COG3: variants seen among roughly 807,000 people sequenced by gnomAD.
COG3 encodes conserved oligomeric Golgi complex subunit 3.
A neutral mutation model predicts 114.1 loss-of-function variants in COG3; 32 were observed. The observed-to-expected ratio is 0.28, with a 90% confidence interval of 0.21 to 0.38. The LOEUF (loss-of-function observed/expected upper bound fraction) is 0.38. COG3 is among the 10% of genes least tolerant of loss of function. The pLI is 1.00. For synonymous variants in COG3, 352 were observed against 365.7 expected, an observed-to-expected ratio of 0.96 and a Z score of 0.43; for missense variants, 813 against 973.2, an observed-to-expected ratio of 0.84 and a Z score of 2.19.
intron 10 of COG3, among the ~76,000 whole-genome samples, chr13:45,491,784 A>T (rs954460288): frequency 6.6e-6 from 1 of 152,202 alleles, no homozygotes; most frequent in Non-Finnish European, 1.5e-5. Context: ...ATGAGATTTC[A>T]AAGTTTGTAG....
chr13:45,524,998 C>T lies in COG3; in HGVS notation c.2177C>T (p.Ala726Val), dbSNP rs1025642781. The T allele has an allele frequency of 8.7e-6, 14 of 1,613,516 alleles. No individual in the cohort carries two copies. Among genetic ancestry groups the T allele is most frequent in the Non-Finnish European group, 1.2e-5 (14 of 1,179,756 alleles). The part of the protein sequence containing the change: ...MTKVSALKTM[A>V]SQGGPKYTLS... ...TAGGTTTCAGCGTTAAAAACAATGG[C>T]CAGTCAGGGAGGCCCCAAGTATACT... The change falls in exon 20 of 23, where the codon GCC (alanine) becomes GTC (valine). Residue 726 changes from alanine to valine, a missense_variant. By Grantham distance (64) the Ala-to-Val change is moderately conservative. This residue lies in a region of COG3 where 389 missense variants were observed against 542.6 expected (regional missense o/e 0.72). Coordinates refer to ENST00000349995, the MANE Select transcript of COG3 (RefSeq NM_031431.4).
At chr13:45,482,317 T>C (rs1363501561) in intron 5 of COG3, 64 bp from the exon 6 acceptor site, 13 of 847,824 alleles carry the variant, frequency 1.5e-5, no homozygotes, top group South Asian at 1.3e-4. Context: ...CTCTAATCCA[T>C]AGTTTCCAAC....
At chr13:45,479,667 T>G (rs933516141) in intron 3 of COG3, among the ~76,000 whole-genome samples, 3 of 152,228 alleles carry the variant, frequency 2.0e-5, no homozygotes, top group African/African-American at 7.2e-5. Flanking sequence ...CTGGAAATAA[T>G]AAGTTACTTG....
chr13:45,486,516 G>T lies in COG3; in HGVS notation c.865G>T (p.Ala289Ser). 1.2e-6 allele frequency: 2 copies of T among 1,608,830 alleles called. No individual in the cohort carries two copies. Among genetic ancestry groups the T allele is most frequent in the South Asian group, 2.2e-5 (2 of 90,962 alleles). ...LKRDPSSVPN[A>S]DNAFTLFYVK... ...TTAGGATCCTTCATCTGTACCTAAT[G>T]CAGACAATGCCTTCACATTATTTTA... The change falls in exon 8 of 23, where the codon GCA becomes TCA. Residue 289 changes from alanine to serine, a missense_variant. By Grantham distance (99) the Ala-to-Ser change is moderately conservative. This residue lies in a region of COG3 where 424 missense variants were observed against 430.6 expected (regional missense o/e 0.98). Coordinates refer to ENST00000349995, the MANE Select transcript of COG3 (RefSeq NM_031431.4).
intron 1 of COG3, chr13:45,466,687 A>G (rs9805783): frequency 0.32 from 48,112 of 152,144 alleles, 8,647 homozygotes; most frequent in Admixed American, 0.42. Flanking sequence ...CTTGGACTTA[A>G]TAGCACTGAG....
chr13:45,525,634 G>GTTTTTTTTTTTTTTTTTTTTTTTTTTTTT (rs59577529), intron 20 of COG3, among the ~76,000 whole-genome samples: 1 of 56,632 alleles, frequency 1.8e-5, no homozygotes, highest in Non-Finnish European at 3.0e-5. Flanking sequence ...AGGGCTTTGG[G>GTTTTTTTTTTTTTTTTTTTTTTTTTTTTT]TTTTTTTTTT....
At chr13:45,489,042 G>C (rs1194205721) in intron 8 of COG3, among the ~76,000 whole-genome samples, 1 of 151,524 alleles carries the variant, frequency 6.6e-6, no homozygotes, top group East Asian at 1.9e-4. Context: ...ACAAAAATTA[G>C]CTGGACACGG....
intron 14 of COG3, 80 bp from the exon 15 acceptor site, chr13:45,509,612 G>A (rs1870631817): frequency 1.3e-6 from 2 of 1,571,576 alleles, no homozygotes; most frequent in African/African-American, 1.3e-5. Context: ...AGAATAAGCA[G>A]TTTATAGTTG....
chr13:45,535,652 C>A lies in COG3; in HGVS notation c.*921C>A. ...CACTTTCATGTCCTGTCTATTCATT[C>A]AGCTGGCTGTGCTGTGCTGTGGACC... On this transcript the variant is annotated 3_prime_UTR_variant, in exon 23 of 23. Coordinates refer to ENST00000349995, the MANE Select transcript of COG3 (RefSeq NM_031431.4). 2 of 985,674 alleles carry A rather than the reference C, an allele frequency of 2.0e-6. No individual in the cohort carries two copies. Among genetic ancestry groups the A allele is most frequent in the Non-Finnish European group, 2.4e-6 (2 of 830,094 alleles). The allele number at this position is 985,674 out of a possible 1,614,324, so 61.1% of individuals were successfully genotyped here. A position where few individuals can be genotyped will look rare whatever the true frequency, so the allele number is the denominator to read the frequency against.
At chr13:45,483,089 TTCATGG>T in intron 6 of COG3, 135 bp from the exon 7 acceptor site, 2 of 562,010 alleles carry the variant, frequency 3.6e-6, no homozygotes, top group Non-Finnish European at 6.1e-6. Context: ...TTTATTCATC[TTCATGG>T]AGTTTATGAT....
At position 45,496,065 on chromosome 13, in the gene COG3, T is replaced by C. The variant is rs1470595472; in HGVS notation, c.1328-87T>C. 2.2e-6 allele frequency: 3 copies of C among 1,385,096 alleles called. No individual in the cohort carries two copies. In the African/African-American group the frequency reaches 4.3e-5, roughly 20 times the overall value. 85.8% of individuals were successfully genotyped at this position (1,385,096 alleles called of 1,614,324 possible). On this transcript the variant is annotated intron_variant, in intron 12 of 22. Coordinates refer to ENST00000349995, the MANE Select transcript of COG3 (RefSeq NM_031431.4). ...TGAAGCAAAAGTGGTTCATACTGTTTCTGAACAATTTAGTAACATCTTTGC... is the reference window on the plus strand; with the variant it reads ...TGAAGCAAAAGTGGTTCATACTGTTCCTGAACAATTTAGTAACATCTTTGC...
Position 45,486,532 on chromosome 13 carries a change from C to A in COG3, c.881C>A (p.Thr294Lys). The change falls in exon 8 of 23, where the codon ACA (threonine) becomes AAA (lysine). Residue 294 changes from threonine to lysine, a missense_variant. Around this residue, in one of 2 missense-constraint regions of COG3, gnomAD observed 424 missense variants for 430.6 expected, o/e 0.98. Coordinates refer to ENST00000349995, the MANE Select transcript of COG3 (RefSeq NM_031431.4). The part of the protein sequence containing the change: ...SSVPNADNAF[T>K]LFYVKFRAAA... ...GTACCTAATGCAGACAATGCCTTCA[C>A]ATTATTTTATGTGAAATTTCGAGCT... 1 of 1,611,292 alleles carries A rather than the reference C, an allele frequency of 6.2e-7. No homozygotes were observed. Among genetic ancestry groups the A allele is most frequent in the Non-Finnish European group, 8.5e-7 (1 of 1,177,472 alleles).
chr13:45,494,291 C>T (rs1423596787), intron 12 of COG3, among the ~76,000 whole-genome samples: 1 of 150,866 alleles, frequency 6.6e-6, no homozygotes, highest in African/African-American at 2.4e-5. Flanking sequence ...CGCCATTACA[C>T]CCCAGCCCAG....
chr13:45,468,996 G>T (rs550437466), intron 1 of COG3, among the ~76,000 whole-genome samples: 3 of 152,290 alleles, frequency 2.0e-5, no homozygotes, highest in East Asian at 3.9e-4. Flanking sequence ...GCATTTTCTC[G>T]TATGTTATTA....
At position 45,516,171 on chromosome 13, in the gene COG3, T is replaced by C; in HGVS notation, c.1838T>C (p.Ile613Thr). The C allele has an allele frequency of 1.3e-6, 2 of 1,593,212 alleles. No individual in the cohort carries two copies. Among genetic ancestry groups the C allele is most frequent in the Non-Finnish European group, 1.7e-6 (2 of 1,164,878 alleles). Residue 613 changes from isoleucine to threonine, a missense_variant, in exon 17 of 23, where the codon ATT becomes ACT. Coordinates refer to ENST00000349995, the MANE Select transcript of COG3 (RefSeq NM_031431.4). ...KTQIDGQLFL[I>T]KHLLILREQI... ...CAGATTGATGGACAACTTTTCTTAA[T>C]TAAGCACCTTTTGATACTTCGTGAA...
chr13:45,518,131 T>A (rs964066699), intron 17 of COG3, among the ~76,000 whole-genome samples: 1 of 152,224 alleles, frequency 6.6e-6, no homozygotes, highest in African/African-American at 2.4e-5. Flanking sequence ...TTACAAGCAT[T>A]TCATGCTTTG....
chr13:45,509,902 GT>G (rs1870667645), intron 15 of COG3, 86 bp downstream of exon 15: 1 of 1,309,348 alleles, frequency 7.6e-7, no homozygotes, highest in South Asian at 1.6e-5. Flanking sequence ...AAAGTATTTT[GT>G]TGGATATTCT....
chr13:45,476,090 T>C, intron 1 of COG3, 111 bp from the exon 2 acceptor site: 1 of 957,606 alleles, frequency 1.0e-6, no homozygotes. Flanking sequence ...TGTGATTTAA[T>C]GGAAAATATT....
At chr13:45,521,577 G>GCACACA (rs3084002) in intron 19 of COG3, among the ~76,000 whole-genome samples, 11,220 of 148,378 alleles carry the variant, frequency 0.076, 1,107 homozygotes, top group African/African-American at 0.23. Context: ...ATACATACGT[G>GCACACA]CACACACACA....
Sources: allele counts gnomAD v4.1 joint callset (sites outside exome capture counted in the v4.1 genomes callset), GRCh38; gene constraint gnomAD v4.1.1; regional missense constraint gnomAD v4.1.1; transcripts MANE v1.5; gene names NCBI Gene and HGNC (gene_info 2026-07-23, HGNC 2026-07-21).